SLC4A4: variants seen among roughly 807,000 people sequenced by gnomAD.
The protein encoded by SLC4A4 is solute carrier family 4 member 4.
A neutral mutation model predicts 111.5 loss-of-function variants in SLC4A4; 27 were observed. That is an observed-to-expected ratio of 0.24 (90% CI 0.18 to 0.33). The LOEUF is 0.33. SLC4A4 is among the 10% of genes least tolerant of loss of function. SLC4A4 has a pLI of 1.00. For synonymous variants in SLC4A4, 443 were observed against 463.4 expected (o/e 0.96, Z 0.57); for missense variants, 909 against 1,315.5 (o/e 0.69, Z 4.78).
chr4:71,309,895 A>C (rs1297711630), intron 3 of SLC4A4, among the ~76,000 whole-genome samples: 3 of 152,128 alleles, frequency 2.0e-5, no homozygotes, highest in Non-Finnish European at 4.4e-5. Context: ...TGAGCTAAAG[A>C]AGCATGTTCT....
intron 16 of SLC4A4, among the ~76,000 whole-genome samples, chr4:71,525,781 A>G (rs1733364138): frequency 1.3e-5 from 2 of 152,138 alleles, no homozygotes; most frequent in Admixed American, 6.6e-5. Context: ...ATTAGGAACT[A>G]TGACTTTCTA....
chr4:71,300,045 T>C (rs1265477942), intron 3 of SLC4A4, among the ~76,000 whole-genome samples: 3 of 152,206 alleles, frequency 2.0e-5, no homozygotes, highest in African/African-American at 7.2e-5. Context: ...GTTAAGAATT[T>C]CCTTAATCAA....
Position 71,166,897 on chromosome 4 carries a change from A to T in SLC4A4, c.-1-69679A>T, listed in dbSNP as rs59133598. Among the ~76,000 whole-genome samples, 807 of 152,268 alleles carry T rather than the reference A, an allele frequency of 5.3e-3. 9 individuals are homozygous for T. Among genetic ancestry groups the T allele is most frequent in the African/African-American group, 0.019 (772 of 41,560 alleles). On this transcript the variant is annotated intron_variant, in intron 2 of 26. Coordinates refer to the SLC4A4 transcript ENST00000649996. Reference sequence around the variant, plus strand: ...ATGTAGGGTTGAACTGTACAGGCAGATAGGATTATAGTTCAGATGTATTTT... The same window carrying T: ...ATGTAGGGTTGAACTGTACAGGCAGTTAGGATTATAGTTCAGATGTATTTT...
At chr4:71,384,300 G>A (rs1321636248) in intron 6 of SLC4A4, among the ~76,000 whole-genome samples, 3 of 152,180 alleles carry the variant, frequency 2.0e-5, no homozygotes, top group African/African-American at 7.2e-5. Flanking sequence ...CAGACTTACA[G>A]CACTTTGGTC....
intron 12 of SLC4A4, among the ~76,000 whole-genome samples, chr4:71,459,056 AT>A (rs1326414029): frequency 2.0e-5 from 3 of 151,938 alleles, no homozygotes; most frequent in Non-Finnish European, 4.4e-5. Flanking sequence ...CTTATTAGCT[AT>A]TTCTTCTTTA....
rs1260410392 is a variant in SLC4A4, at chr4:71,102,446, A to G, written c.-2+9654A>G. Among the ~76,000 whole-genome samples the G allele has an allele frequency of 3.3e-5, 5 of 151,932 alleles. No individual in the cohort carries two copies. In the East Asian group the frequency reaches 9.7e-4, roughly 29 times the overall value. ...CGCCACAAACATACTCCTCGAGAAG[A>G]GCAACTCCAAGACACATAATTGTCA... On this transcript the variant is annotated intron_variant, in intron 2 of 26. Coordinates refer to the SLC4A4 transcript ENST00000649996.
intron 6 of SLC4A4, among the ~76,000 whole-genome samples, chr4:71,387,096 C>A (rs1718806823): frequency 6.6e-6 from 1 of 152,194 alleles, no homozygotes; most frequent in African/African-American, 2.4e-5. Context: ...CCATCCCTTT[C>A]CTTGAATCCA....
intron 2 of SLC4A4, among the ~76,000 whole-genome samples, chr4:71,179,529 G>A (rs535458343): frequency 0.012 from 1,833 of 150,874 alleles, 34 homozygotes; most frequent in African/African-American, 0.044. Flanking sequence ...AAATCAATGT[G>A]CAAAAATCAC....
intron 15 of SLC4A4, among the ~76,000 whole-genome samples, chr4:71,497,299 T>C (rs191614286): frequency 1.1e-4 from 17 of 152,212 alleles, no homozygotes; most frequent in African/African-American, 3.9e-4. Context: ...ATCATTCTCA[T>C]TGTATTTTCA....
At chr4:71,394,653 T>C (rs1253115336) in intron 6 of SLC4A4, among the ~76,000 whole-genome samples, 1 of 152,094 alleles carries the variant, frequency 6.6e-6, no homozygotes, top group Non-Finnish European at 1.5e-5. Flanking sequence ...CAATTCACAA[T>C]TGCAGAATTG....
chr4:71,413,370 G>A (rs904256667), intron 7 of SLC4A4, among the ~76,000 whole-genome samples: 2 of 152,142 alleles, frequency 1.3e-5, no homozygotes, highest in Non-Finnish European at 2.9e-5. Flanking sequence ...TCATTTGGAA[G>A]TCAATAGATT....
intron 2 of SLC4A4, among the ~76,000 whole-genome samples, chr4:71,134,763 G>C (rs917133840): frequency 6.6e-6 from 1 of 152,212 alleles, no homozygotes. Flanking sequence ...AGTCCACAAG[G>C]CTGTACTAGT....
chr4:71,521,334 C>T (rs957324631), intron 16 of SLC4A4, among the ~76,000 whole-genome samples: 2 of 152,048 alleles, frequency 1.3e-5, no homozygotes, highest in Admixed American at 1.3e-4. Context: ...TGGGATCAAG[C>T]GATCCTCTCT....
At chr4:71,547,537 G>A in intron 19 of SLC4A4, 111 bp from the exon 20 acceptor site, 2 of 872,042 alleles carry the variant, frequency 2.3e-6, no homozygotes, top group Non-Finnish European at 3.9e-6. Context: ...CACCTTTGTT[G>A]TTTTAGCCAA....
At chr4:71,489,579 A>G (rs1486747604) in intron 15 of SLC4A4, among the ~76,000 whole-genome samples, 1 of 151,712 alleles carries the variant, frequency 6.6e-6, no homozygotes, top group Non-Finnish European at 1.5e-5. Flanking sequence ...AGGTATTATC[A>G]TTTGATTAGG....
chr4:71,428,981 C>T (rs1723399388), intron 7 of SLC4A4, among the ~76,000 whole-genome samples: 1 of 152,018 alleles, frequency 6.6e-6, no homozygotes, highest in Non-Finnish European at 1.5e-5. Context: ...TGTGAGTATT[C>T]CTGGTTATAA....
intron 16 of SLC4A4, among the ~76,000 whole-genome samples, chr4:71,503,603 T>A (rs1560568224): frequency 4.6e-5 from 7 of 152,184 alleles, no homozygotes; most frequent in African/African-American, 1.4e-4. Context: ...CCACAATTTA[T>A]ATGTTTGTTA....
At chr4:71,423,608 A>C (rs1159897957) in intron 7 of SLC4A4, among the ~76,000 whole-genome samples, 1 of 152,182 alleles carries the variant, frequency 6.6e-6, no homozygotes, top group Non-Finnish European at 1.5e-5. Flanking sequence ...AGGCTACAGT[A>C]ACCAAAACAG....
At chr4:71,142,480 C>T (rs1744025798) in intron 2 of SLC4A4, among the ~76,000 whole-genome samples, 1 of 152,132 alleles carries the variant, frequency 6.6e-6, no homozygotes, top group African/African-American at 2.4e-5. Flanking sequence ...AATAGTGCCT[C>T]AGTGATGCTA....
Sources: allele counts gnomAD v4.1 joint callset (sites outside exome capture counted in the v4.1 genomes callset), GRCh38; gene constraint gnomAD v4.1.1; transcripts MANE v1.5; gene names NCBI Gene and HGNC (gene_info 2026-07-23, HGNC 2026-07-21).